The following CNTN5 variants were observed in gnomAD, a reference collection of about 807,000 sequenced individuals.
The protein encoded by CNTN5 is contactin-5.
Under a neutral mutation model 129.1 loss-of-function variants are expected in CNTN5, and 77 were observed. The observed-to-expected ratio is 0.60, with a 90% CI of 0.50 to 0.72. The LOEUF is 0.72. CNTN5 is among the 30% of genes least tolerant of loss of function. CNTN5 has a pLI of 0.00. For synonymous variants in CNTN5, 509 were observed against 465.6 expected (o/e 1.09, Z -1.20); for missense variants, 1,478 against 1,328.8 (o/e 1.11, Z -1.75).
intron 6 of CNTN5, among the ~76,000 whole-genome samples, chr11:99,869,940 T>C (rs1948458773): frequency 6.6e-6 from 1 of 152,134 alleles, no homozygotes; most frequent in Non-Finnish European, 1.5e-5. Flanking sequence ...ATATATTGAG[T>C]AGCACTGTTA....
chr11:99,921,614 C>T lies in CNTN5; in HGVS notation c.673+5465C>T, dbSNP rs556452933. On this transcript the variant is annotated intron_variant, in intron 7 of 24. Transcript: ENST00000524871. Reference sequence around the variant, plus strand: ...TGCTCCTAGCATTCCATATACTGCACGCATTTACTTACTTCGTTGTTCATA... The same window carrying T: ...TGCTCCTAGCATTCCATATACTGCATGCATTTACTTACTTCGTTGTTCATA... Among the ~76,000 whole-genome samples the T allele has an allele frequency of 6.6e-5, 10 of 152,254 alleles. No homozygotes were observed. In the East Asian group the frequency reaches 7.7e-4, roughly 12 times the overall value.
At chr11:99,935,716 CAA>C (rs1247003688) in intron 7 of CNTN5, among the ~76,000 whole-genome samples, 2 of 152,006 alleles carry the variant, frequency 1.3e-5, no homozygotes, top group Non-Finnish European at 2.9e-5. Context: ...AACTGTCTTT[CAA>C]AAAGAGTGTA....
intron 3 of CNTN5, among the ~76,000 whole-genome samples, chr11:99,778,831 A>G (rs1405616313): frequency 1.3e-5 from 2 of 148,962 alleles, no homozygotes; most frequent in Non-Finnish European, 3.0e-5. Flanking sequence ...ATTTAATTGA[A>G]ATTAATATCA....
chr11:99,492,691 A>G (rs1318945409), intron 2 of CNTN5, among the ~76,000 whole-genome samples: 1 of 152,194 alleles, frequency 6.6e-6, no homozygotes, highest in African/African-American at 2.4e-5. Context: ...AGAGAAAAAC[A>G]TAACAAATTC....
intron 1 of CNTN5, among the ~76,000 whole-genome samples, chr11:99,044,599 C>T (rs1167799301): frequency 6.6e-6 from 1 of 152,044 alleles, no homozygotes; most frequent in East Asian, 1.9e-4. Context: ...TGTTGACAGG[C>T]CTTGGATCAT....
At chr11:100,281,044 T>G (rs1950624729) in intron 18 of CNTN5, among the ~76,000 whole-genome samples, 2 of 152,158 alleles carry the variant, frequency 1.3e-5, no homozygotes, top group Non-Finnish European at 2.9e-5. Flanking sequence ...GTACTGTCTA[T>G]GTATTTGAAT....
chr11:99,532,617 G>T (rs966311920), intron 2 of CNTN5, among the ~76,000 whole-genome samples: 1 of 152,156 alleles, frequency 6.6e-6, no homozygotes, highest in Non-Finnish European at 1.5e-5. Flanking sequence ...TGGAATCATG[G>T]TGGCCAGTCT....
At chr11:99,627,913 T>TG (rs1311204044) in intron 3 of CNTN5, among the ~76,000 whole-genome samples, 2 of 150,060 alleles carry the variant, frequency 1.3e-5, no homozygotes, top group East Asian at 3.9e-4. Context: ...AATAAAATTG[T>TG]GTATCAGATG....
intron 2 of CNTN5, among the ~76,000 whole-genome samples, chr11:99,450,882 A>G (rs1210623238): frequency 6.6e-6 from 1 of 151,522 alleles, no homozygotes; most frequent in African/African-American, 2.4e-5. Context: ...ATTTGCAAAT[A>G]CAGAATCTGG....
intron 1 of CNTN5, among the ~76,000 whole-genome samples, chr11:99,131,521 GA>G (rs1459292516): frequency 1.3e-5 from 2 of 151,716 alleles, no homozygotes; most frequent in African/African-American, 2.4e-5. Flanking sequence ...TAATAAAGAA[GA>G]AAAGAGAGAA....
intron 16 of CNTN5, among the ~76,000 whole-genome samples, chr11:100,250,281 T>C (rs1949937348): frequency 6.6e-6 from 1 of 152,146 alleles, no homozygotes. Flanking sequence ...CTCCGTCTAA[T>C]ATAATTATAT....
At chr11:100,237,188 C>CAAAAA (rs397977189) in intron 16 of CNTN5, among the ~76,000 whole-genome samples, 81 of 69,856 alleles carry the variant, frequency 1.2e-3, no homozygotes, top group East Asian at 4.3e-3. Context: ...GACTCCGTCT[C>CAAAAA]AAAAAAAAAA....
chr11:99,167,934 A>G (rs890772991), intron 1 of CNTN5, among the ~76,000 whole-genome samples: 29 of 150,302 alleles, frequency 1.9e-4, no homozygotes, highest in Non-Finnish European at 3.7e-4. Flanking sequence ...ATTTATTCTT[A>G]TAATGATTTT....
At chr11:99,247,975 C>A (rs183980418) in intron 1 of CNTN5, among the ~76,000 whole-genome samples, 2,910 of 152,108 alleles carry the variant, frequency 0.019, 81 homozygotes, top group African/African-American at 0.066. Flanking sequence ...GGGTATATAC[C>A]CAGTAATGGG....
intron 3 of CNTN5, among the ~76,000 whole-genome samples, chr11:99,660,296 CAG>C (rs1952548029): frequency 6.6e-6 from 1 of 152,026 alleles, no homozygotes; most frequent in Non-Finnish European, 1.5e-5. Flanking sequence ...TTTATAGTGA[CAG>C]AAAGCAAAAT....
Position 100,255,876 on chromosome 11 carries a change from G to A in CNTN5, c.2122G>A (p.Ala708Thr). The A allele has an allele frequency of 6.2e-7, 1 of 1,613,898 alleles. No individual in the cohort carries two copies. The change falls in exon 17 of 25, where the codon GCT (alanine) becomes ACT (threonine). Residue 708 changes from alanine (A) to threonine (T), a missense_variant. Physicochemically the swap from Ala to Thr is moderately conservative, Grantham distance 58. Coordinates refer to ENST00000524871, the MANE Select transcript of CNTN5 (RefSeq NM_014361.4). ...HSPISSYNLQARSPFSLGWQT... is the reference protein window; with the variant it reads ...HSPISSYNLQTRSPFSLGWQT... Reference sequence around the variant, plus strand: ...CCCAATCTCCTCCTACAACCTTCAAGCTCGCAGCCCATTTTCCCTGGGCTG... The same window carrying A: ...CCCAATCTCCTCCTACAACCTTCAAACTCGCAGCCCATTTTCCCTGGGCTG...
chr11:99,771,529 AG>A (rs1326976517), intron 3 of CNTN5, among the ~76,000 whole-genome samples: 1 of 152,058 alleles, frequency 6.6e-6, no homozygotes, highest in African/African-American at 2.4e-5. Context: ...ATATTATGTT[AG>A]GCAAAATTAG....
intron 1 of CNTN5, among the ~76,000 whole-genome samples, chr11:99,116,481 A>G (rs1858050378): frequency 6.6e-6 from 1 of 152,112 alleles, no homozygotes; most frequent in Admixed American, 6.6e-5. Context: ...GTTTTATTTT[A>G]AGGCGTTTGG....
At chr11:99,957,076 G>GT (rs1216993805) in intron 8 of CNTN5, 67 bp downstream of exon 8, 109 of 1,343,556 alleles carry the variant, frequency 8.1e-5, no homozygotes, top group Non-Finnish European at 8.1e-5. Context: ...GTATTAGTGT[G>GT]TGTTTTTTTT....
Sources: allele counts gnomAD v4.1 joint callset (sites outside exome capture counted in the v4.1 genomes callset), GRCh38; gene constraint gnomAD v4.1.1; transcripts MANE v1.5; gene names NCBI Gene and HGNC (gene_info 2026-07-23, HGNC 2026-07-21).